SPAST: variants seen among roughly 807,000 people sequenced by gnomAD.
SPAST encodes spastin, also known as spastic paraplegia 4 (autosomal dominant; spastin).
SPAST carries 30 observed loss-of-function variants against 76.6 expected under a neutral mutation model. That is an observed-to-expected ratio of 0.39 (90% CI 0.29 to 0.53). The LOEUF is 0.53. SPAST is among the 20% of genes least tolerant of loss of function. SPAST has a pLI of 0.68. For missense variants in SPAST, 717 were observed against 770.5 expected (o/e 0.93, Z 0.82); for synonymous variants, 305 against 281.0 (o/e 1.09, Z -0.86).
intron 1 of SPAST, among the ~76,000 whole-genome samples, chr2:32,070,458 T>C (rs2148692593): frequency 6.6e-6 from 1 of 152,360 alleles, no homozygotes; most frequent in African/African-American, 2.4e-5. Flanking sequence ...GCAAATTCTG[T>C]TGACTTAATG....
At chr2:32,123,241 GA>G (rs1558328763) in intron 7 of SPAST, among the ~76,000 whole-genome samples, 1 of 148,442 alleles carries the variant, frequency 6.7e-6, no homozygotes, top group African/African-American at 2.5e-5. Flanking sequence ...CAGCCTGGGG[GA>G]CAGAGCAAGA....
chr2:32,149,256 A>ATTTT lies in SPAST; in HGVS notation c.1728+2009_1728+2012dup, dbSNP rs59020104. 7.7e-4 allele frequency among the ~76,000 whole-genome samples: 95 copies of ATTTT among 123,570 alleles called. 8 individuals are homozygous for ATTTT. The highest frequency in any genetic ancestry group is 4.5e-3 in the Middle Eastern group (1 of 220). The allele number at this position is 123,570 out of a possible 152,430, so 81.1% of individuals were successfully genotyped here. A position where few individuals can be genotyped will look rare whatever the true frequency, so the allele number is the denominator to read the frequency against. ...AGGCATGGGCCACCACGCCCAGCTA[A>ATTTT]TTTTTTTTTTTTTTGTATTTTTAGT... On this transcript the variant is annotated intron_variant, in intron 16 of 16. Transcript: ENST00000315285.
chr2:32,153,864 G>C (rs1680167039), intron 16 of SPAST, among the ~76,000 whole-genome samples: 1 of 152,016 alleles, frequency 6.6e-6, no homozygotes, highest in South Asian at 2.1e-4. Context: ...ATCACCTGAG[G>C]TTAGGAGTTC....
Position 32,088,983 on chromosome 2 carries a change from G to T in SPAST, c.503-539G>T, listed in dbSNP as rs1004492066. Among the ~76,000 whole-genome samples the T allele has an allele frequency of 5.3e-5, 8 of 152,094 alleles. No individual in the cohort carries two copies. The South Asian group carries it at 1.7e-3, about 32-fold the overall frequency. On this transcript the variant is annotated intron_variant, in intron 2 of 16. Transcript: ENST00000315285. ...GGGGAAAAAATATTTTAGACCCCAT[G>T]AAATAAGACCTGAAATCTATGAAAT...
intron 1 of SPAST, among the ~76,000 whole-genome samples, chr2:32,083,519 A>G (rs906952293): frequency 6.6e-5 from 10 of 151,068 alleles, no homozygotes; most frequent in African/African-American, 2.2e-4. Flanking sequence ...TTGCCATTCA[A>G]AATTGGGTGC....
chr2:32,087,495 G>T lies in SPAST; in HGVS notation c.419G>T (p.Gly140Val), dbSNP rs763649847. 2 of 1,595,906 alleles carry T rather than the reference G, an allele frequency of 1.3e-6. No homozygotes were observed. The highest frequency in any genetic ancestry group is 2.7e-5 in the African/African-American group (2 of 74,478). Reference sequence around the variant, plus strand: ...CAAATAATTTTTTATTTTAAAGCAGGACAGAAGGAGCAAGCTGTGGAATGG... The same window carrying T: ...CAAATAATTTTTTATTTTAAAGCAGTACAGAAGGAGCAAGCTGTGGAATGG... ...ALRIDEDEKAGQKEQAVEWYK... is the reference protein window; with the variant it reads ...ALRIDEDEKAVQKEQAVEWYK... Residue 140 changes from glycine to valine, a missense_variant, in exon 2 of 17, where the codon GGA becomes GTA. Transcript: ENST00000315285.
At chr2:32,116,367 A>G (rs1678835143) in intron 7 of SPAST, among the ~76,000 whole-genome samples, 155 bp downstream of exon 7, 1 of 152,234 alleles carries the variant, frequency 6.6e-6, no homozygotes, top group Non-Finnish European at 1.5e-5. Context: ...AACATTAACA[A>G]TTGATGTTGA....
At chr2:32,083,774 ATATT>A (rs1421592307) in intron 1 of SPAST, among the ~76,000 whole-genome samples, 12 of 54,360 alleles carry the variant, frequency 2.2e-4, no homozygotes, top group African/African-American at 1.5e-4. Context: ...ATATATATAT[ATATT>A]TTTTTTTTTT....
At chr2:32,088,411 G>A (rs1020297942) in intron 2 of SPAST, among the ~76,000 whole-genome samples, 4 of 152,114 alleles carry the variant, frequency 2.6e-5, no homozygotes, top group Non-Finnish European at 4.4e-5. Context: ...TTGGGAGGCC[G>A]AGGTGGGCGA....
chr2:32,071,652 A>G (rs532463315), intron 1 of SPAST, among the ~76,000 whole-genome samples: 28 of 152,328 alleles, frequency 1.8e-4, no homozygotes, highest in East Asian at 9.6e-4. Context: ...GAAAGGCAGG[A>G]AAACTAGAAG....
At chr2:32,151,634 A>C (rs188505439) in intron 16 of SPAST, among the ~76,000 whole-genome samples, 1 of 152,090 alleles carries the variant, frequency 6.6e-6, no homozygotes, top group African/African-American at 2.4e-5. Context: ...ACTTGGTCGC[A>C]CACAGTGGCT....
At chr2:32,137,435 A>G (rs186173268) in intron 12 of SPAST, among the ~76,000 whole-genome samples, 135 of 152,344 alleles carry the variant, frequency 8.9e-4, no homozygotes, top group Non-Finnish European at 1.3e-3. Flanking sequence ...TCTGGGTTGC[A>G]TTAAATTATC....
At chr2:32,118,481 C>G (rs1296763550) in intron 7 of SPAST, among the ~76,000 whole-genome samples, 1 of 152,134 alleles carries the variant, frequency 6.6e-6, no homozygotes, top group African/African-American at 2.4e-5. Flanking sequence ...CCTCAGGTCA[C>G]ACTTTGGGAA....
chr2:32,117,774 C>T (rs912911678), intron 7 of SPAST, among the ~76,000 whole-genome samples: 2 of 152,032 alleles, frequency 1.3e-5, no homozygotes, highest in African/African-American at 2.4e-5. Context: ...TCAGATGATC[C>T]GCCCACCTTG....
intron 7 of SPAST, among the ~76,000 whole-genome samples, chr2:32,121,084 T>C (rs994421398): frequency 5.9e-5 from 9 of 152,190 alleles, no homozygotes; most frequent in Non-Finnish European, 1.3e-4. Context: ...TCTTCTGATA[T>C]TTTATAATGA....
chr2:32,135,347 T>C (rs1180080494), intron 9 of SPAST, among the ~76,000 whole-genome samples: 1 of 151,602 alleles, frequency 6.6e-6, no homozygotes, highest in Non-Finnish European at 1.5e-5. Context: ...GCCAGGATGG[T>C]CTCGATCTCC....
intron 16 of SPAST, among the ~76,000 whole-genome samples, chr2:32,151,708 G>A (rs1306542814): frequency 1.3e-5 from 2 of 152,172 alleles, no homozygotes; most frequent in South Asian, 2.1e-4. Context: ...TCTTGAGTTC[G>A]AGACCAGCCT....
chr2:32,146,726 G>A lies in SPAST; in HGVS notation c.1688-492G>A, dbSNP rs377181591. Among the ~76,000 whole-genome samples, 9 of 151,506 alleles carry A rather than the reference G, an allele frequency of 5.9e-5. No homozygotes were observed. The South Asian group carries it at 1.9e-3, about 32-fold the overall frequency. ...CTGAAAATACAAAAATTAGCCAGGC[G>A]TGGTTGTGCGCACCTGTAATCCCAG... On this transcript the variant is annotated intron_variant, in intron 15 of 16. Transcript: ENST00000315285.
chr2:32,118,638 T>A (rs952502770), intron 7 of SPAST, among the ~76,000 whole-genome samples: 1 of 152,212 alleles, frequency 6.6e-6, no homozygotes, highest in African/African-American at 2.4e-5. Flanking sequence ...TCTGATCGAT[T>A]CATTGATAAA....
Sources: gnomAD v4.1 joint callset for allele counts (sites outside exome capture counted in the v4.1 genomes callset) on GRCh38, gnomAD v4.1.1 for gene constraint, MANE v1.5 for transcripts, NCBI Gene and HGNC (gene_info 2026-07-23, HGNC 2026-07-21) for gene names.